Variants in LAMTOR5 observed in about 807,000 individuals in gnomAD.
LAMTOR5 encodes the protein late endosomal/lysosomal adaptor, MAPK and MTOR activator 5.
Under a neutral mutation model 12.1 loss-of-function variants are expected in LAMTOR5, and 8 were observed. The ratio of observed to expected loss-of-function variants is 0.66; its 90% CI spans 0.39 to 1.19. LAMTOR5 has a LOEUF of 1.19. LAMTOR5 is among the 50% of genes most tolerant of loss of function. LAMTOR5 has a pLI of 0.01. For synonymous variants in LAMTOR5, 37 were observed against 41.9 expected, an observed-to-expected ratio of 0.88 and a Z score of 0.45; for missense variants, 110 against 112.8, an observed-to-expected ratio of 0.97 and a Z score of 0.11.
At chr1:110,401,655 T>A (rs1663231613) in intron 3 of LAMTOR5, 72 bp from the exon 4 acceptor site, 1 of 1,480,608 alleles carries the variant, frequency 6.8e-7, no homozygotes, top group Non-Finnish European at 9.4e-7. Context: ...AAGATGTTGT[T>A]TGCTTTAGGA....
chr1:110,407,512 G>A (rs1032057043), intron 1 of LAMTOR5, 74 bp downstream of exon 1: 11 of 1,540,692 alleles, frequency 7.1e-6, no homozygotes, highest in African/African-American at 1.4e-5. Flanking sequence ...GGTACTCGCA[G>A]CTCGCGCCTT....
intron 1 of LAMTOR5, 53 bp downstream of exon 1, chr1:110,407,533 C>G: frequency 6.3e-7 from 1 of 1,586,862 alleles, no homozygotes; most frequent in Non-Finnish European, 8.6e-7. Flanking sequence ...TCGTTCCGCT[C>G]AAGTTCCTCC....
upstream of LAMTOR5, chr1:110,407,757 C>T: frequency 2.5e-6 from 4 of 1,614,194 alleles, no homozygotes; most frequent in Non-Finnish European, 3.4e-6. Flanking sequence ...CACGGTGCAA[C>T]GTCCGCGTTC....
chr1:110,404,661 C>T (rs1392123037), intron 2 of LAMTOR5, among the ~76,000 whole-genome samples: 1 of 152,164 alleles, frequency 6.6e-6, no homozygotes. Flanking sequence ...ATTTACCTTT[C>T]CAAACTTATT....
intron 1 of LAMTOR5, chr1:110,406,809 C>T: frequency 9.8e-6 from 4 of 409,142 alleles, no homozygotes; most frequent in Non-Finnish European, 1.7e-5. Context: ...GGAAGACGAG[C>T]GAAATTCCGT....
At position 110,403,950 on chromosome 1, in the gene LAMTOR5, T is replaced by A; in HGVS notation, c.184A>T (p.Ile62Phe). Residue 62 changes from isoleucine to phenylalanine, a missense_variant, in exon 3 of 4, where the codon ATT (isoleucine) becomes TTT (phenylalanine). Physicochemically the swap from Ile to Phe is conservative, Grantham distance 21 (BLOSUM62 0). Transcript: ENST00000602318. ...AAKLTSDPTD[I>F]PVVCLESDNG... ...TCTGATTCTAGACACACCACAGGAA[T>A]ATCAGTGGGGTCAGAGGTTAGCTTA... is the stretch of plus-strand genomic sequence containing the variant. 4 of 1,614,178 alleles carry A rather than the reference T, an allele frequency of 2.5e-6. No individual in the cohort carries two copies. The highest frequency in any genetic ancestry group is 3.4e-6 in the Non-Finnish European group (4 of 1,180,024).
chr1:110,407,526 T>A, intron 1 of LAMTOR5, 60 bp downstream of exon 1: 1 of 1,575,636 alleles, frequency 6.3e-7, no homozygotes, highest in Non-Finnish European at 8.6e-7. Flanking sequence ...GCGCCTTTCG[T>A]TCCGCTCAAG....
chr1:110,407,099 A>C, intron 1 of LAMTOR5: 1 of 662,018 alleles, frequency 1.5e-6, no homozygotes, highest in Non-Finnish European at 2.7e-6. Flanking sequence ...TACCCTTTAC[A>C]CTTTTCCAGT....
rs1663354146 is a variant in LAMTOR5 at position 110,407,341 on chromosome 1, G to A, written c.35+245C>T. The A allele has an allele frequency of 8.3e-6, 5 of 601,322 alleles. No homozygotes were observed. The East Asian group carries it at 1.4e-4, about 17-fold the overall frequency. The allele number at this position is 601,322 out of a possible 1,614,324, so 37.2% of individuals were successfully genotyped here. ...TTCAACAACGAGATAGGCAGTTTTGGCCCGTGGCCTGGGCCCGGGAGACTC... is the reference window on the plus strand; with the variant it reads ...TTCAACAACGAGATAGGCAGTTTTGACCCGTGGCCTGGGCCCGGGAGACTC... On this transcript the variant is annotated intron_variant, in intron 1 of 3. Transcript: ENST00000602318.
chr1:110,404,670 T>C (rs1321091795), intron 2 of LAMTOR5, among the ~76,000 whole-genome samples: 1 of 152,232 alleles, frequency 6.6e-6, no homozygotes, highest in Non-Finnish European at 1.5e-5. Flanking sequence ...TCCAAACTTA[T>C]TTCCTCATGT....
intron 3 of LAMTOR5, among the ~76,000 whole-genome samples, chr1:110,401,814 C>T (rs1663236629): frequency 6.6e-6 from 1 of 152,158 alleles, no homozygotes; most frequent in Non-Finnish European, 1.5e-5. Context: ...GTTAATATTT[C>T]CCTGGTTCTT....
At chr1:110,405,758 A>G (rs1557924442) in intron 2 of LAMTOR5, among the ~76,000 whole-genome samples, 1 of 152,248 alleles carries the variant, frequency 6.6e-6, no homozygotes, top group Non-Finnish European at 1.5e-5. Context: ...CCATTATCAA[A>G]TAACAACCCA....
At chr1:110,407,899 T>C, upstream of LAMTOR5, 1 of 1,596,354 alleles carries the variant, frequency 6.3e-7, no homozygotes, top group Non-Finnish European at 8.6e-7. Context: ...TATTCCCCTC[T>C]CGGGAGAGGT....
chr1:110,406,371 T>C lies in LAMTOR5; in HGVS notation c.44A>G (p.Asn15Ser), dbSNP rs1369766410. 6.2e-7 allele frequency: 1 copy of C among 1,608,734 alleles called. No homozygotes were observed. Among genetic ancestry groups the C allele is most frequent in the Non-Finnish European group, 8.5e-7 (1 of 1,176,992 alleles). ...GCACAGGACTCCAACAATGGAGGGATTCTTCATTCTAATTCCAGGAACACA... is the reference window on the plus strand; with the variant it reads ...GCACAGGACTCCAACAATGGAGGGACTCTTCATTCTAATTCCAGGAACACA... The part of the protein sequence containing the change: ...LEQHLEDTMK[N>S]PSIVGVLCTD... The change falls in exon 2 of 4, where the codon AAT (asparagine) becomes AGT (serine). Residue 15 changes from asparagine (N) to serine (S), a missense_variant. Coordinates refer to ENST00000602318, the MANE Select transcript of LAMTOR5 (RefSeq NM_001382293.1).
chr1:110,407,530 G>A (rs966181198), intron 1 of LAMTOR5, 56 bp downstream of exon 1: 6 of 1,581,584 alleles, frequency 3.8e-6, no homozygotes, highest in Middle Eastern at 2.0e-4. Flanking sequence ...CTTTCGTTCC[G>A]CTCAAGTTCC....
intron 1 of LAMTOR5, chr1:110,407,113 G>C (rs1214742029): frequency 1.5e-6 from 1 of 654,366 alleles, no homozygotes; most frequent in Non-Finnish European, 2.7e-6. Flanking sequence ...TTCCAGTTTT[G>C]AATTTTACAT....
Position 110,407,694 on chromosome 1 carries a change from T to C in LAMTOR5, c.-74A>G, listed in dbSNP as rs1029042913. On this transcript the variant is annotated 5_prime_UTR_variant, in exon 1 of 4. Transcript: ENST00000602318. ...TTCTCCACCACAGGCCTCAGTCACT[T>C]GACGCGAGCGGGGCGTGGACCGTAA... 2 of 1,614,206 alleles carry C rather than the reference T, an allele frequency of 1.2e-6. No individual in the cohort carries two copies. The highest frequency in any genetic ancestry group is 1.7e-6 in the Non-Finnish European group (2 of 1,180,024).
chr1:110,402,571 T>C (rs1208367704), intron 3 of LAMTOR5, among the ~76,000 whole-genome samples: 1 of 152,150 alleles, frequency 6.6e-6, no homozygotes, highest in Non-Finnish European at 1.5e-5. Context: ...TTTTAGAGTA[T>C]ACTACTCCTA....
chr1:110,405,191 G>A (rs1194459650), intron 2 of LAMTOR5, among the ~76,000 whole-genome samples: 3 of 151,246 alleles, frequency 2.0e-5, no homozygotes, highest in Non-Finnish European at 2.9e-5. Context: ...ACAGAGTCTC[G>A]CTCTTGTCAT....
Sources: allele counts gnomAD v4.1 joint callset (sites outside exome capture counted in the v4.1 genomes callset), GRCh38; gene constraint gnomAD v4.1.1; transcripts MANE v1.5; gene names NCBI Gene and HGNC (gene_info 2026-07-23, HGNC 2026-07-21).